Variants in B4GALNT3 observed in about 807,000 individuals in gnomAD.
B4GALNT3 encodes the protein beta-1,4-N-acetyl-galactosaminyltransferase 3.
In B4GALNT3, 86 loss-of-function variants were observed where a neutral mutation model predicts 120.2. The observed-to-expected ratio is 0.72, with a 90% CI of 0.60 to 0.86. The LOEUF (loss-of-function observed/expected upper bound fraction) is 0.86. Ranked by LOEUF, B4GALNT3 falls within the 40% of genes least tolerant of loss-of-function variation. The pLI, the probability that B4GALNT3 is intolerant of heterozygous loss-of-function variation, is 0.00. For missense variants in B4GALNT3, 1,167 were observed against 1,298.9 expected, an observed-to-expected ratio of 0.90 and a Z score of 1.56; for synonymous variants, 518 against 510.4, an observed-to-expected ratio of 1.01 and a Z score of -0.20.
chr12:488,602 G>GGAT (rs1946312260), intron 1 of B4GALNT3, among the ~76,000 whole-genome samples: 1 of 152,042 alleles, frequency 6.6e-6, no homozygotes, highest in Non-Finnish European at 1.5e-5. Flanking sequence ...GTGTGAAAGT[G>GGAT]GATGTCCCAG....
chr12:486,688 A>G (rs1210307186), intron 1 of B4GALNT3, among the ~76,000 whole-genome samples: 2 of 152,194 alleles, frequency 1.3e-5, no homozygotes, highest in African/African-American at 4.8e-5. Flanking sequence ...AGCTCATTGA[A>G]AGACTGAGAT....
rs36039630 is a variant in B4GALNT3 at position 545,723 on chromosome 12, G to A, written c.639+254G>A. Among the ~76,000 whole-genome samples, 32,691 of 112,632 alleles carry A rather than the reference G, an allele frequency of 0.29. 6,510 individuals are homozygous for A. The highest frequency in any genetic ancestry group is 0.38 in the Non-Finnish European group (19,868 of 52,142). The allele number at this position is 112,632 out of a possible 152,430, so 73.9% of individuals were successfully genotyped here. ...GGAGTGAGGAATGGGGAGGAGCGAG[G>A]TGTGGGGAGGAGCGAGGAGTGGGGA... On this transcript the variant is annotated intron_variant, in intron 6 of 19. Coordinates refer to ENST00000266383, the MANE Select transcript of B4GALNT3 (RefSeq NM_173593.4).
intron 3 of B4GALNT3, chr12:543,141 G>A (rs1429626172): frequency 2.3e-6 from 3 of 1,289,638 alleles, no homozygotes; most frequent in Non-Finnish European, 3.0e-6. Flanking sequence ...GTATGTGTGT[G>A]TGTGTGCATG....
intron 1 of B4GALNT3, among the ~76,000 whole-genome samples, chr12:516,390 G>T (rs767359403): frequency 2.6e-5 from 4 of 152,140 alleles, no homozygotes; most frequent in African/African-American, 7.2e-5. Context: ...AGAAACCTTC[G>T]CAGGGAAGTG....
Position 557,747 on chromosome 12 carries a change from G to C in B4GALNT3, c.2520G>C (p.Arg840Ser). 6.2e-7 allele frequency: 1 copy of C among 1,603,374 alleles called. No individual in the cohort carries two copies. Among genetic ancestry groups the C allele is most frequent in the South Asian group, 1.1e-5 (1 of 89,668 alleles). Residue 840 changes from arginine to serine, a missense_variant, in exon 16 of 20, where the codon AGG becomes AGC. This residue lies in a region of B4GALNT3 where 983 missense variants were observed against 1,102.5 expected (regional missense o/e 0.89). Coordinates refer to ENST00000266383, the MANE Select transcript of B4GALNT3 (RefSeq NM_173593.4). ...TGGATGTTGAGATGGCACTGAAGAG[G>C]TCCAAGCTGCGGAGGTGAGGGGGAC... Reference protein sequence around the residue: ...EDMDVEMALKRSKLRSYQYVK... With the variant: ...EDMDVEMALKSSKLRSYQYVK...
chr12:545,101 G>A (rs1442615269), intron 5 of B4GALNT3, 129 bp downstream of exon 5: 5 of 1,460,324 alleles, frequency 3.4e-6, no homozygotes, highest in Non-Finnish European at 4.5e-6. Context: ...GAAGAGAGGG[G>A]AAATTGAGTC....
At chr12:503,495 G>T (rs533231338) in intron 1 of B4GALNT3, among the ~76,000 whole-genome samples, 1 of 152,116 alleles carries the variant, frequency 6.6e-6, no homozygotes, top group Non-Finnish European at 1.5e-5. Context: ...TCAGATTTCT[G>T]ACCTGTAAAA....
chr12:521,834 A>G (rs1212729325), intron 1 of B4GALNT3, among the ~76,000 whole-genome samples: 2 of 152,166 alleles, frequency 1.3e-5, no homozygotes, highest in Admixed American at 6.5e-5. Flanking sequence ...ACTGAGCTGG[A>G]GCTTCCATGG....
chr12:521,771 T>C (rs1435397302), intron 1 of B4GALNT3, among the ~76,000 whole-genome samples: 1 of 152,182 alleles, frequency 6.6e-6, no homozygotes, highest in Admixed American at 6.5e-5. Flanking sequence ...TCTAAGTTCC[T>C]GTACCGGCCT....
In B4GALNT3 at chr12:497,808, C is replaced by G. The variant is rs140116767; in HGVS notation, c.169+37263C>G. ...TTGTCTTGTTTTCAGCACCAGCATT[C>G]CCAGGCCCTGCATCCCTGGGCTGTT... On this transcript the variant is annotated intron_variant, in intron 1 of 19. Transcript: ENST00000266383. Among the ~76,000 whole-genome samples, 264 of 152,234 alleles carry G rather than the reference C, an allele frequency of 1.7e-3. 1 individual carries two copies. The highest frequency in any genetic ancestry group is 6.8e-3 in the Middle Eastern group (2 of 294).
intron 1 of B4GALNT3, among the ~76,000 whole-genome samples, chr12:481,056 C>T (rs1946237869): frequency 6.6e-6 from 1 of 152,218 alleles, no homozygotes; most frequent in African/African-American, 2.4e-5. Context: ...ATTTTGGCAG[C>T]TCCCACCACA....
intron 1 of B4GALNT3, among the ~76,000 whole-genome samples, chr12:515,003 G>C (rs1022238997): frequency 1.3e-5 from 2 of 152,126 alleles, no homozygotes; most frequent in Non-Finnish European, 2.9e-5. Context: ...GGGTGACAGA[G>C]CAAGGCTCTG....
At chr12:480,072 C>A (rs1238474604) in intron 1 of B4GALNT3, among the ~76,000 whole-genome samples, 6 of 151,974 alleles carry the variant, frequency 3.9e-5, no homozygotes, top group African/African-American at 1.5e-4. Flanking sequence ...CGCCACCACC[C>A]CCTGGATAAT....
rs1860612 is a variant in B4GALNT3, at chr12:550,336, C to A, written c.997+424C>A. Reference sequence around the variant, plus strand: ...GAGTGTTTACATTTTAAAAGACGGCCAAGATGGCCAGGCATGGTGGCTCAT... The same window carrying A: ...GAGTGTTTACATTTTAAAAGACGGCAAAGATGGCCAGGCATGGTGGCTCAT... On this transcript the variant is annotated intron_variant, in intron 10 of 19. Transcript: ENST00000266383. This position sits in a 1 kb window ranked among gnomAD's most constrained non-coding sequence, Gnocchi z 4.1. 0.15 allele frequency among the ~76,000 whole-genome samples: 22,316 copies of A among 152,010 alleles called. 1,977 individuals are homozygous for A. The highest frequency in any genetic ancestry group is 0.25 in the Admixed American group (3,874 of 15,262).
At chr12:549,149 G>A (rs1947044635) in intron 9 of B4GALNT3, among the ~76,000 whole-genome samples, 1 of 152,160 alleles carries the variant, frequency 6.6e-6, no homozygotes, top group African/African-American at 2.4e-5. Flanking sequence ...CGTGGCAGGT[G>A]TAGACAGATG....
chr12:493,683 A>G (rs547528687), intron 1 of B4GALNT3, among the ~76,000 whole-genome samples: 1 of 152,034 alleles, frequency 6.6e-6, no homozygotes, highest in East Asian at 1.9e-4. Flanking sequence ...ATCTCATCTC[A>G]GCCACTTTCC....
At chr12:469,633 C>G (rs373062350) in intron 1 of B4GALNT3, among the ~76,000 whole-genome samples, 106 of 152,052 alleles carry the variant, frequency 7.0e-4, no homozygotes, top group African/African-American at 2.5e-3. Context: ...GGGGTGGGGG[C>G]CAGGTTAGGA....
chr12:528,169 A>T (rs1946774471), intron 1 of B4GALNT3, among the ~76,000 whole-genome samples: 1 of 152,164 alleles, frequency 6.6e-6, no homozygotes, highest in African/African-American at 2.4e-5. Flanking sequence ...TTTGGCAAGA[A>T]TTTTAACCTC....
chr12:533,467 G>A (rs142589995), intron 1 of B4GALNT3, among the ~76,000 whole-genome samples: 1 of 152,344 alleles, frequency 6.6e-6, no homozygotes, highest in African/African-American at 2.4e-5. Flanking sequence ...CATAACACGA[G>A]TGGAGGGTGA....
Sources: gnomAD v4.1 joint callset for allele counts (sites outside exome capture counted in the v4.1 genomes callset) on GRCh38, gnomAD v4.1.1 for gene constraint, gnomAD v4.1.1 regional missense constraint, Gnocchi (gnomAD v3.1) non-coding constraint, MANE v1.5 for transcripts, NCBI Gene and HGNC (gene_info 2026-07-23, HGNC 2026-07-21) for gene names.